The following SLC6A13 variants were observed in gnomAD, a reference collection of about 807,000 sequenced individuals.
SLC6A13 encodes solute carrier family 6 member 13, also known as sodium- and chloride-dependent GABA transporter 2.
A neutral mutation model predicts 72.9 loss-of-function variants in SLC6A13; 69 were observed. That is an observed-to-expected ratio of 0.95 (90% CI 0.78 to 1.16). The LOEUF is 1.16. SLC6A13 is among the 50% of genes most tolerant of loss of function. The pLI, the probability that SLC6A13 is intolerant of heterozygous loss-of-function variation, is 0.00. For missense variants in SLC6A13, 735 were observed against 760.5 expected (o/e 0.97, Z 0.39); for synonymous variants, 303 against 303.0 (o/e 1.00, Z 0.00).
chr12:237,288 C>T lies in SLC6A13; in HGVS notation c.566G>A (p.Arg189Gln), dbSNP rs140951084. 324 of 1,614,118 alleles carry T rather than the reference C, an allele frequency of 2.0e-4. No homozygotes were observed. Among genetic ancestry groups the T allele is most frequent in the African/African-American group, 1.9e-3 (144 of 75,060 alleles). Residue 189 changes from arginine to glutamine, a missense_variant and splice_region_variant, in exon 6 of 15, where the codon CGG becomes CAG. By Grantham distance (43) the Arg-to-Gln change is conservative. Coordinates refer to ENST00000343164, the MANE Select transcript of SLC6A13 (RefSeq NM_016615.5). ...CCCATCAGAGATCTTCAAGACCCGC[C>T]GCCTGGGGAGAGAAGGGTTGAACCT... ...ATSPVIEFWE[R>Q]RVLKISDGIQ...
rs370755919 is a variant in SLC6A13, at chr12:220,853, C to T, written c.*95G>A. 3.7e-5 allele frequency: 56 copies of T among 1,499,152 alleles called. No homozygotes were observed. Among genetic ancestry groups the T allele is most frequent in the Admixed American group, 7.3e-5 (4 of 54,864 alleles). The allele number at this position is 1,499,152 out of a possible 1,614,324, so 92.9% of individuals were successfully genotyped here. On this transcript the variant is annotated 3_prime_UTR_variant, in exon 15 of 15. Coordinates refer to ENST00000343164, the MANE Select transcript of SLC6A13 (RefSeq NM_016615.5). ...CCCTCTTGTCTTATCCACTCCAGGT[C>T]GGGGGCAGGGAAGCACATGGGGCTG...
In SLC6A13 at chr12:222,537, A is replaced by G; in HGVS notation, c.1510T>C (p.Cys504Arg). ...YCWLFLTPAVCTATFLFSLIK... is the reference protein window; with the variant it reads ...YCWLFLTPAVRTATFLFSLIK... Reference sequence around the variant, plus strand: ...TATCCCTGAAATGATCTTACTGTGCACACAGCTGGTGTGAGGAAGAGCCAA... The same window carrying G: ...TATCCCTGAAATGATCTTACTGTGCGCACAGCTGGTGTGAGGAAGAGCCAA... The change falls in exon 13 of 15, where the codon TGC becomes CGC. Residue 504 changes from cysteine to arginine, a missense_variant. By Grantham distance (180) the Cys-to-Arg change is radical. Coordinates refer to ENST00000343164, the MANE Select transcript of SLC6A13 (RefSeq NM_016615.5). 6.3e-7 allele frequency: 1 copy of G among 1,596,400 alleles called. No individual in the cohort carries two copies. Among genetic ancestry groups the G allele is most frequent in the Non-Finnish European group, 8.6e-7 (1 of 1,166,668 alleles).
At chr12:231,370 G>A (rs1183749316) in intron 7 of SLC6A13, among the ~76,000 whole-genome samples, 3 of 152,178 alleles carry the variant, frequency 2.0e-5, no homozygotes, top group Non-Finnish European at 2.9e-5. Flanking sequence ...GGTCTGTGTC[G>A]GGGAGAAGAC....
intron 2 of SLC6A13, among the ~76,000 whole-genome samples, chr12:252,686 A>T (rs1052921005): frequency 2.0e-5 from 3 of 152,236 alleles, no homozygotes; most frequent in African/African-American, 7.2e-5. Flanking sequence ...AACAGGAAAG[A>T]TAGAACCCAG....
rs769958411 is a variant in SLC6A13, at chr12:238,015, C to A, written c.479-5G>T. 2.4e-5 allele frequency: 38 copies of A among 1,612,642 alleles called. 1 individual carries two copies. Among genetic ancestry groups the A allele is most frequent in the Non-Finnish European group, 3.2e-5 (38 of 1,178,702 alleles). ...TCTGGAACTCCATACAGTGTTCTAC[C>A]CATGGGTCACGAGGAGGGAAAAAAG... On this transcript the variant is annotated splice_polypyrimidine_tract_variant and splice_region_variant and intron_variant, in intron 4 of 14. Transcript: ENST00000343164.
chr12:261,130 ACC>A (rs1942913490), intron 1 of SLC6A13, among the ~76,000 whole-genome samples: 1 of 152,228 alleles, frequency 6.6e-6, no homozygotes, highest in East Asian at 1.9e-4. Context: ...CACAGTTTTA[ACC>A]ATTCACTGTC....
intron 9 of SLC6A13, 90 bp downstream of exon 9, chr12:226,300 G>A: frequency 6.7e-7 from 1 of 1,498,092 alleles, no homozygotes; most frequent in South Asian, 1.1e-5. Flanking sequence ...CACCCAGAGT[G>A]CAGGTGACAC....
chr12:234,129 G>T (rs1055976909), intron 7 of SLC6A13, among the ~76,000 whole-genome samples: 1 of 152,132 alleles, frequency 6.6e-6, no homozygotes, highest in Non-Finnish European at 1.5e-5. Context: ...TCACTCCCCC[G>T]GCAGGATGGT....
At chr12:247,714 T>G (rs940653665) in intron 2 of SLC6A13, among the ~76,000 whole-genome samples, 1 of 152,170 alleles carries the variant, frequency 6.6e-6, no homozygotes, top group Non-Finnish European at 1.5e-5. Flanking sequence ...GTTTTTCTTA[T>G]TATTCAAATA....
At chr12:238,609 T>C (rs986402847) in intron 4 of SLC6A13, among the ~76,000 whole-genome samples, 3 of 152,196 alleles carry the variant, frequency 2.0e-5, no homozygotes, top group African/African-American at 7.2e-5. Context: ...ACTTTGGAGT[T>C]TTACAAAGAG....
chr12:226,599 C>T, intron 8 of SLC6A13, 85 bp from the exon 9 acceptor site: 1 of 1,481,808 alleles, frequency 6.7e-7, no homozygotes, highest in Non-Finnish European at 9.1e-7. Context: ...GGGAGCACAG[C>T]CCCTCCTGGC....
At chr12:224,309 G>T in intron 10 of SLC6A13, 92 bp downstream of exon 10, 1 of 1,344,380 alleles carries the variant, frequency 7.4e-7, no homozygotes, top group Non-Finnish European at 1.1e-6. Flanking sequence ...CCCCAAAAGG[G>T]CATCCACTTC....
chr12:226,588 T>A, intron 8 of SLC6A13, 74 bp from the exon 9 acceptor site: 1 of 1,514,470 alleles, frequency 6.6e-7, no homozygotes, highest in Non-Finnish European at 8.9e-7. Flanking sequence ...GCTTCCTGTC[T>A]GGGAGCACAG....
chr12:220,854 G>T lies in SLC6A13; in HGVS notation c.*94C>A. On this transcript the variant is annotated 3_prime_UTR_variant, in exon 15 of 15. Coordinates refer to ENST00000343164, the MANE Select transcript of SLC6A13 (RefSeq NM_016615.5). ...CCTCTTGTCTTATCCACTCCAGGTC[G>T]GGGGCAGGGAAGCACATGGGGCTGC... The T allele has an allele frequency of 6.7e-7, 1 of 1,503,398 alleles. No homozygotes were observed. Among genetic ancestry groups the T allele is most frequent in the East Asian group, 2.3e-5 (1 of 42,896 alleles). The allele number at this position is 1,503,398 out of a possible 1,614,324, so 93.1% of individuals were successfully genotyped here.
chr12:227,644 T>C lies in SLC6A13; in HGVS notation c.856A>G (p.Ile286Val). 1 of 1,611,998 alleles carries C rather than the reference T, an allele frequency of 6.2e-7. No individual in the cohort carries two copies. Among genetic ancestry groups the C allele is most frequent in the Non-Finnish European group, 8.5e-7 (1 of 1,178,834 alleles). ...PQVWMDAGTQ[I>V]FFSFAICLGC... ...AGACAGATGGCGAAGGAGAAGAATA[T>C]CTGGGTGCCTGCATCCATCCACACC... The change falls in exon 8 of 15, where the codon ATA (isoleucine) becomes GTA (valine). Residue 286 changes from isoleucine to valine, a missense_variant. Ile to Val is a conservative substitution (Grantham distance 29). Transcript: ENST00000343164.
intron 1 of SLC6A13, among the ~76,000 whole-genome samples, chr12:261,877 G>A (rs958057954): frequency 2.0e-4 from 30 of 151,432 alleles, no homozygotes; most frequent in African/African-American, 6.6e-4. Flanking sequence ...AGTGAGCCGA[G>A]ATCGCGCCAC....
intron 4 of SLC6A13, among the ~76,000 whole-genome samples, chr12:239,933 C>T (rs1942105396): frequency 6.6e-6 from 1 of 152,116 alleles, no homozygotes; most frequent in Non-Finnish European, 1.5e-5. Context: ...TCAACAATGT[C>T]AAAAAATAAT....
intron 4 of SLC6A13, among the ~76,000 whole-genome samples, chr12:240,004 G>A (rs1326525026): frequency 6.6e-6 from 1 of 152,122 alleles, no homozygotes; most frequent in Non-Finnish European, 1.5e-5. Flanking sequence ...CCAAAGGAAG[G>A]TGGGCCTAAT....
chr12:234,581 G>A (rs11062072), intron 7 of SLC6A13, among the ~76,000 whole-genome samples: 11,887 of 151,906 alleles, frequency 0.078, 548 homozygotes, highest in Middle Eastern at 0.099. Context: ...GCAGTGGCGC[G>A]ATCTCAGCTC....
Sources: gnomAD v4.1 joint callset for allele counts (sites outside exome capture counted in the v4.1 genomes callset) on GRCh38, gnomAD v4.1.1 for gene constraint, MANE v1.5 for transcripts, NCBI Gene and HGNC (gene_info 2026-07-23, HGNC 2026-07-21) for gene names.